The following LIPA variants were observed in gnomAD, a reference collection of about 807,000 sequenced individuals.
LIPA encodes the protein lipase A, lysosomal acid type.
A neutral mutation model predicts 40.6 loss-of-function variants in LIPA; 26 were observed. The observed-to-expected ratio is 0.64, with a 90% CI of 0.47 to 0.89. LIPA has a LOEUF of 0.89. Among genes scored for constraint, LIPA ranks in the 40% least tolerant of loss-of-function variants. LIPA has a pLI of 0.00. For missense variants in LIPA, 455 were observed against 479.6 expected (o/e 0.95, Z 0.48); for synonymous variants, 188 against 168.4 (o/e 1.12, Z -0.90).
chr10:89,410,832 G>A (rs887794227), intron 2 of LIPA, among the ~76,000 whole-genome samples: 1 of 152,184 alleles, frequency 6.6e-6, no homozygotes, highest in African/African-American at 2.4e-5. Context: ...AAAGGTGAAG[G>A]AGAGGGAAGA....
intron 1 of LIPA, chr10:89,306,603 C>T: frequency 6.2e-7 from 1 of 1,614,050 alleles, no homozygotes. Context: ...GTCCTCCTGG[C>T]TCTGAAGCTT....
chr10:89,247,488 G>T, intron 2 of LIPA, 50 bp downstream of exon 2: 1 of 1,083,956 alleles, frequency 9.2e-7, no homozygotes. Context: ...CACATAACTG[G>T]ATCGGGGAAA....
At chr10:89,224,083 G>A (rs574762725) in intron 6 of LIPA, among the ~76,000 whole-genome samples, 8 of 152,256 alleles carry the variant, frequency 5.3e-5, no homozygotes, top group African/African-American at 7.2e-5. Flanking sequence ...AGTTTTCAGC[G>A]GACTTCTACA....
chr10:89,265,677 A>G (rs1843232091), intron 1 of LIPA, among the ~76,000 whole-genome samples: 1 of 152,242 alleles, frequency 6.6e-6, no homozygotes, highest in Non-Finnish European at 1.5e-5. Flanking sequence ...AAAGATTGGA[A>G]ACTCATAAAA....
intron 1 of LIPA, among the ~76,000 whole-genome samples, chr10:89,257,131 G>T (rs962408012): frequency 2.6e-5 from 4 of 152,198 alleles, no homozygotes; most frequent in Admixed American, 6.5e-5. Context: ...TTGGTCCAAG[G>T]ACTGACAGTT....
At chr10:89,262,354 C>G (rs17383479) in intron 1 of LIPA, among the ~76,000 whole-genome samples, 4,478 of 152,280 alleles carry the variant, frequency 0.029, 121 homozygotes, top group Admixed American at 0.091. Flanking sequence ...TCCCTGGAGT[C>G]TGCTCACAAG....
At chr10:89,400,156 T>C (rs1214304459) in intron 2 of LIPA, among the ~76,000 whole-genome samples, 2 of 152,250 alleles carry the variant, frequency 1.3e-5, no homozygotes, top group East Asian at 3.8e-4. Flanking sequence ...TATACCATTG[T>C]TGTAATATTG....
intron 2 of LIPA, among the ~76,000 whole-genome samples, chr10:89,409,392 G>C (rs534041010): frequency 2.0e-5 from 3 of 152,298 alleles, no homozygotes; most frequent in African/African-American, 7.2e-5. Flanking sequence ...GGTAGGGCTT[G>C]TTATCAGTGT....
At chr10:89,346,078 T>C (rs1336700123), upstream of LIPA, among the ~76,000 whole-genome samples, 1 of 152,236 alleles carries the variant, frequency 6.6e-6, no homozygotes, top group Non-Finnish European at 1.5e-5. Context: ...GGTATTAGGT[T>C]AAGCTCAGAC....
At chr10:89,311,595 A>T (rs949669895) in intron 1 of LIPA, among the ~76,000 whole-genome samples, 7 of 152,000 alleles carry the variant, frequency 4.6e-5, no homozygotes, top group Non-Finnish European at 8.8e-5. Context: ...CACCTACATA[A>T]GTTGGAGCTT....
chr10:89,284,601 G>T (rs1325853830), intron 1 of LIPA: 1 of 152,062 alleles, frequency 6.6e-6, no homozygotes, highest in African/African-American at 2.4e-5. Context: ...GCACACTAAA[G>T]AAACTTTGGA....
At position 89,332,345 on chromosome 10, in the gene LIPA, A is replaced by T. The variant is rs145159149; in HGVS notation, c.-2+10266T>A. ...TTCTAAAATTTTATTTTCTTTTTACAGTGCCTTTTTACAACTTTCAAACCA... is the reference window on the plus strand; with the variant it reads ...TTCTAAAATTTTATTTTCTTTTTACTGTGCCTTTTTACAACTTTCAAACCA... On this transcript the variant is annotated intron_variant, in intron 1 of 5. Transcript: ENST00000282673. 6.4e-3 allele frequency: 3,889 copies of T among 610,202 alleles called. 19 individuals carry two copies. Among genetic ancestry groups the T allele is most frequent in the Middle Eastern group, 0.032 (95 of 2,974 alleles). 37.8% of individuals were successfully genotyped at this position (610,202 alleles called of 1,614,324 possible). A position where few individuals can be genotyped will look rare whatever the true frequency, so the allele number is the denominator to read the frequency against.
At chr10:89,235,254 G>A (rs1298631904) in intron 3 of LIPA, among the ~76,000 whole-genome samples, 1 of 152,232 alleles carries the variant, frequency 6.6e-6, no homozygotes, top group African/African-American at 2.4e-5. Flanking sequence ...AGCCCTGTTT[G>A]TCAGAGTGAC....
At chr10:89,384,845 C>G in intron 2 of LIPA, 1 of 1,026,832 alleles carries the variant, frequency 9.7e-7, no homozygotes, top group Non-Finnish European at 1.4e-6. Context: ...TATTTTGAGC[C>G]TTGAGAGGAA....
At chr10:89,335,449 T>A (rs114338636) in intron 1 of LIPA, 12 of 152,036 alleles carry the variant, frequency 7.9e-5, no homozygotes, top group African/African-American at 2.9e-4. Context: ...TGGAAGTATG[T>A]TTCATCTCAG....
At chr10:89,407,466 C>T (rs553682925) in intron 2 of LIPA, among the ~76,000 whole-genome samples, 3 of 152,288 alleles carry the variant, frequency 2.0e-5, no homozygotes, top group Non-Finnish European at 4.4e-5. Context: ...TTGCCCAAAG[C>T]CCCATCGTAT....
intron 1 of LIPA, among the ~76,000 whole-genome samples, chr10:89,322,206 C>T (rs1843575727): frequency 1.3e-5 from 2 of 152,080 alleles, no homozygotes; most frequent in East Asian, 3.9e-4. Context: ...TATCCTAGAA[C>T]TTAAAGTAAA....
At chr10:89,222,760 C>G (rs535570175) in intron 7 of LIPA, among the ~76,000 whole-genome samples, 178 bp from the exon 8 acceptor site, 5 of 152,260 alleles carry the variant, frequency 3.3e-5, no homozygotes, top group African/African-American at 1.2e-4. Flanking sequence ...ATACATACAA[C>G]CACATACAAA....
intron 1 of LIPA, among the ~76,000 whole-genome samples, chr10:89,290,776 C>T (rs556262442): frequency 7.5e-4 from 114 of 152,326 alleles, no homozygotes; most frequent in Admixed American, 2.5e-3. Flanking sequence ...AAAACGGCCC[C>T]GGCCCTATCT....
Sources: allele counts gnomAD v4.1 joint callset (sites outside exome capture counted in the v4.1 genomes callset), GRCh38; gene constraint gnomAD v4.1.1; transcripts MANE v1.5; gene names NCBI Gene and HGNC (gene_info 2026-07-23, HGNC 2026-07-21).